Variants in PTPRE observed in about 807,000 individuals in gnomAD.
PTPRE encodes receptor-type tyrosine-protein phosphatase epsilon.
A neutral mutation model predicts 102.0 loss-of-function variants in PTPRE; 51 were observed. The ratio of observed to expected loss-of-function variants is 0.50; its 90% CI spans 0.40 to 0.63. The LOEUF is 0.63. Among genes scored for constraint, PTPRE ranks in the 30% least tolerant of loss-of-function variants. The pLI is 0.00. For missense variants in PTPRE, 752 were observed against 915.1 expected (o/e 0.82, Z 2.30); for synonymous variants, 345 against 348.2 (o/e 0.99, Z 0.10).
chr10:128,077,697 C>A lies in PTPRE; in HGVS notation c.1806C>A (p.Ala602=), dbSNP rs372667808. Residue 602 remains alanine, a synonymous_variant, in exon 19 of 21, where the codon GCC becomes GCA. Transcript: ENST00000254667. ...FHGWPEIGIP[A]EGKGMIDLIA... ...GCTGGCCTGAGATCGGGATTCCCGC[C>A]GAGGGCAAAGGCATGATTGACCTCA... 2 of 1,613,894 alleles carry A rather than the reference C, an allele frequency of 1.2e-6. No homozygotes were observed. Among genetic ancestry groups the A allele is most frequent in the Non-Finnish European group, 1.7e-6 (2 of 1,179,818 alleles).
chr10:128,022,545 C>T (rs1419106797), intron 2 of PTPRE, among the ~76,000 whole-genome samples: 1 of 152,212 alleles, frequency 6.6e-6, no homozygotes, highest in Non-Finnish European at 1.5e-5. Flanking sequence ...CTGTGCTCCT[C>T]CTGGTCACCC....
intron 1 of PTPRE, among the ~76,000 whole-genome samples, chr10:127,913,403 T>C (rs1316318093): frequency 1.3e-5 from 2 of 152,392 alleles, no homozygotes; most frequent in Admixed American, 6.5e-5. Context: ...AGTTTTGTAC[T>C]AGAGAGAAAA....
At chr10:127,997,472 A>C (rs1853387733) in intron 2 of PTPRE, among the ~76,000 whole-genome samples, 1 of 152,206 alleles carries the variant, frequency 6.6e-6, no homozygotes, top group South Asian at 2.1e-4. Flanking sequence ...TCAGTTCAGC[A>C]CTTGAATAGT....
At chr10:128,068,474 C>T in intron 12 of PTPRE, 188 bp downstream of exon 12, 1 of 539,234 alleles carries the variant, frequency 1.9e-6, no homozygotes, top group Non-Finnish European at 3.0e-6. Flanking sequence ...AGAGAGCCCC[C>T]TCTTCATCCC....
At chr10:127,992,457 G>T (rs1383779076) in intron 2 of PTPRE, among the ~76,000 whole-genome samples, 3 of 152,166 alleles carry the variant, frequency 2.0e-5, no homozygotes, top group Non-Finnish European at 4.4e-5. Context: ...GGCAGCTGGG[G>T]GTCTCTTTCT....
chr10:127,977,619 T>A (rs1025272458), intron 1 of PTPRE, among the ~76,000 whole-genome samples: 3 of 152,216 alleles, frequency 2.0e-5, no homozygotes, highest in Non-Finnish European at 4.4e-5. Context: ...ATGTTTCCCT[T>A]AAATGGAATA....
At chr10:127,928,059 C>A (rs1484810043) in intron 1 of PTPRE, among the ~76,000 whole-genome samples, 1 of 152,018 alleles carries the variant, frequency 6.6e-6, no homozygotes, top group Non-Finnish European at 1.5e-5. Context: ...AGATAAGAAC[C>A]CTGATTTGCT....
intron 16 of PTPRE, 179 bp downstream of exon 16, chr10:128,072,393 C>T: frequency 1.8e-6 from 1 of 563,908 alleles, no homozygotes; most frequent in East Asian, 3.1e-5. Context: ...TGGCTCACAC[C>T]TGTAATCCCA....
rs1467428944 is a variant in PTPRE at position 127,999,965 on chromosome 10, A to G, written c.-8+17669A>G. 5.1e-6 allele frequency: 5 copies of G among 985,226 alleles called. No individual in the cohort carries two copies. The Admixed American group carries it at 2.5e-4, about 48-fold the overall frequency. 61.0% of individuals were successfully genotyped at this position (985,226 alleles called of 1,614,324 possible). On this transcript the variant is annotated intron_variant, in intron 2 of 20. Coordinates refer to ENST00000254667, the MANE Select transcript of PTPRE (RefSeq NM_006504.6). Reference sequence around the variant, plus strand: ...GCTACTGAGAACGCGGTGCTCTGTAAGTATCCATGGATGCACAGCGCAGAC... The same window carrying G: ...GCTACTGAGAACGCGGTGCTCTGTAGGTATCCATGGATGCACAGCGCAGAC...
At chr10:127,994,333 A>C (rs923472279) in intron 2 of PTPRE, among the ~76,000 whole-genome samples, 5 of 152,204 alleles carry the variant, frequency 3.3e-5, no homozygotes, top group South Asian at 4.1e-4. Context: ...ACTCTATCTG[A>C]TGTTACCTAT....
In PTPRE at chr10:128,061,079, T is replaced by C. The variant is rs1341123482; in HGVS notation, c.588+64T>C. 6.0e-6 allele frequency: 9 copies of C among 1,504,498 alleles called. No individual in the cohort carries two copies. The Admixed American group carries it at 1.0e-4, about 17-fold the overall frequency. 93.2% of individuals were successfully genotyped at this position (1,504,498 alleles called of 1,614,324 possible). On this transcript the variant is annotated intron_variant, in intron 8 of 20. Transcript: ENST00000254667. ...GGGGCATGAGCAGTAAGCACTTTCT[T>C]GTCTGGTGCCCGGAGTGTAAATTGT... is the stretch of plus-strand genomic sequence containing the variant.
At chr10:128,062,538 CAGCACGTAGCACTT>C (rs1849697101) in intron 9 of PTPRE, among the ~76,000 whole-genome samples, 2 of 152,232 alleles carry the variant, frequency 1.3e-5, no homozygotes, top group Non-Finnish European at 2.9e-5. Context: ...CCATCCCCCT[CAGCACGTAGCACTT>C]AGCTCGGGAC....
At chr10:128,040,760 C>T in intron 2 of PTPRE, 115 bp from the exon 3 acceptor site, 1 of 738,624 alleles carries the variant, frequency 1.4e-6, no homozygotes, top group Non-Finnish European at 2.3e-6. Flanking sequence ...AAGTTCTTGG[C>T]TCAGAGAAAG....
intron 3 of PTPRE, among the ~76,000 whole-genome samples, chr10:128,042,591 C>T (rs1044236352): frequency 1.3e-5 from 2 of 152,152 alleles, no homozygotes; most frequent in African/African-American, 2.4e-5. Flanking sequence ...CAGACGGGCT[C>T]GTTTGACCTA....
intron 9 of PTPRE, among the ~76,000 whole-genome samples, chr10:128,062,173 G>T (rs1849662042): frequency 1.3e-5 from 2 of 152,180 alleles, no homozygotes; most frequent in African/African-American, 2.4e-5. Context: ...TCCACCAGAG[G>T]TTGTCATCTG....
At chr10:128,077,019 GC>G (rs2136064369) in intron 18 of PTPRE, among the ~76,000 whole-genome samples, 1 of 152,280 alleles carries the variant, frequency 6.6e-6, no homozygotes, top group Non-Finnish European at 1.5e-5. Context: ...CCTCTCTGGG[GC>G]CCTCCTCCAG....
intron 1 of PTPRE, among the ~76,000 whole-genome samples, chr10:127,956,574 C>T (rs2135369691): frequency 6.6e-6 from 1 of 152,334 alleles, no homozygotes; most frequent in East Asian, 1.9e-4. Context: ...GTTTTCACCT[C>T]ATTTGGGCAA....
intron 1 of PTPRE, among the ~76,000 whole-genome samples, chr10:127,920,013 C>G (rs556977162): frequency 7.6e-4 from 115 of 151,970 alleles, no homozygotes; most frequent in Admixed American, 1.6e-3. Flanking sequence ...GAAATTGGAG[C>G]AGCCAGGCTC....
At chr10:128,040,694 T>C (rs1353338877) in intron 2 of PTPRE, among the ~76,000 whole-genome samples, 181 bp from the exon 3 acceptor site, 1 of 152,198 alleles carries the variant, frequency 6.6e-6, no homozygotes, top group African/African-American at 2.4e-5. Flanking sequence ...AGTCAGTGAC[T>C]GTATCCCCCT....
Sources: gnomAD v4.1 joint callset for allele counts (sites outside exome capture counted in the v4.1 genomes callset) on GRCh38, gnomAD v4.1.1 for gene constraint, MANE v1.5 for transcripts, NCBI Gene and HGNC (gene_info 2026-07-23, HGNC 2026-07-21) for gene names.